USP34: variants seen among roughly 807,000 people sequenced by gnomAD.
USP34 encodes ubiquitin carboxyl-terminal hydrolase 34.
Under a neutral mutation model 460.3 loss-of-function variants are expected in USP34, and 70 were observed. The ratio of observed to expected loss-of-function variants is 0.15; its 90% CI spans 0.13 to 0.19. The LOEUF is 0.19. USP34 is among the 10% of genes least tolerant of loss of function. USP34 has a pLI of 1.00. For synonymous variants in USP34, 1,647 were observed against 1,405.3 expected, an observed-to-expected ratio of 1.17 and a Z score of -3.85; for missense variants, 3,985 against 4,236.2, an observed-to-expected ratio of 0.94 and a Z score of 1.65.
At chr2:61,387,012 C>G (rs1051099140) in intron 5 of USP34, among the ~76,000 whole-genome samples, 1 of 152,010 alleles carries the variant, frequency 6.6e-6, no homozygotes, top group African/African-American at 2.4e-5. Context: ...CCTAAAAAGA[C>G]GTCTATCTAA....
At chr2:61,399,874 C>CAAAA (rs529141667) in intron 3 of USP34, among the ~76,000 whole-genome samples, 2 of 69,984 alleles carry the variant, frequency 2.9e-5, no homozygotes, top group Non-Finnish European at 5.2e-5. Context: ...CACTGTCTCC[C>CAAAA]AAAAAAAAAA....
intron 22 of USP34, among the ~76,000 whole-genome samples, chr2:61,318,901 T>C (rs1454275804): frequency 6.6e-6 from 1 of 152,196 alleles, no homozygotes; most frequent in Non-Finnish European, 1.5e-5. Context: ...CTAAGAAAAT[T>C]AGTGCTGCCT....
chr2:61,315,777 G>A (rs1291484286), intron 23 of USP34, among the ~76,000 whole-genome samples: 2 of 152,170 alleles, frequency 1.3e-5, no homozygotes, highest in African/African-American at 4.8e-5. Flanking sequence ...GTTGGGCAGA[G>A]TAAAGAAAGA....
chr2:61,266,578 T>C (rs1437697829), intron 41 of USP34, among the ~76,000 whole-genome samples: 2 of 152,324 alleles, frequency 1.3e-5, no homozygotes, highest in East Asian at 3.9e-4. Context: ...TTACTTATAC[T>C]GTTGAAAGGT....
intron 19 of USP34, 84 bp from the exon 20 acceptor site, chr2:61,331,455 TA>T: frequency 2.5e-5 from 28 of 1,107,518 alleles, no homozygotes; most frequent in East Asian, 5.8e-5. Flanking sequence ...TATGCAAATC[TA>T]AAAAAAATCT....
chr2:61,322,018 C>T (rs371691533), intron 21 of USP34, among the ~76,000 whole-genome samples: 3 of 152,212 alleles, frequency 2.0e-5, no homozygotes, highest in South Asian at 2.1e-4. Context: ...CACCTGAGGT[C>T]GGGAGTTCGA....
chr2:61,314,451 T>C (rs1690683264), intron 25 of USP34, 134 bp downstream of exon 25: 1 of 749,190 alleles, frequency 1.3e-6, no homozygotes. Context: ...CTTATGTTAC[T>C]GATCCTTCAC....
chr2:61,316,956 C>T lies in USP34; in HGVS notation c.3282+698G>A, dbSNP rs147955288. Among the ~76,000 whole-genome samples the T allele has an allele frequency of 1.4e-4, 21 of 152,270 alleles. No individual in the cohort carries two copies. The East Asian group carries it at 3.9e-3, about 28-fold the overall frequency. ...TTTTAAAAAAATTTCCCCAAACTTG[C>T]TAAGAGATACAAGTATTCTTTTTTC... is the stretch of plus-strand genomic sequence containing the variant. On this transcript the variant is annotated intron_variant, in intron 23 of 79. Coordinates refer to ENST00000398571, the MANE Select transcript of USP34 (RefSeq NM_014709.4).
chr2:61,270,248 T>C (rs1689172727), intron 41 of USP34, among the ~76,000 whole-genome samples: 1 of 152,036 alleles, frequency 6.6e-6, no homozygotes, highest in South Asian at 2.1e-4. Flanking sequence ...ACCCCTCCCA[T>C]CATCTAAGGG....
intron 7 of USP34, among the ~76,000 whole-genome samples, chr2:61,378,913 G>GAAAAAAAAAACAAAA (rs1692880013): frequency 3.5e-5 from 2 of 57,870 alleles, no homozygotes; most frequent in Non-Finnish European, 5.7e-5. Context: ...TCAAAAAAAC[G>GAAAAAAAAAACAAAA]AAAAAAAAAA....
At chr2:61,297,057 G>T in intron 29 of USP34, 132 bp from the exon 30 acceptor site, 1 of 1,199,198 alleles carries the variant, frequency 8.3e-7, no homozygotes, top group Non-Finnish European at 1.1e-6. Context: ...AGTGAGAAAT[G>T]AAACATTTGT....
chr2:61,197,404 TCA>T (rs989572751), intron 75 of USP34, among the ~76,000 whole-genome samples: 2 of 152,210 alleles, frequency 1.3e-5, no homozygotes, highest in Admixed American at 6.5e-5. Flanking sequence ...GAAATTAGGC[TCA>T]CAGAGATTAT....
In USP34 at chr2:61,220,407, T is replaced by C; in HGVS notation, c.7950A>G (p.Thr2650=). Residue 2650 remains threonine, a synonymous_variant, in exon 67 of 80, where the codon ACA becomes ACG. Coordinates refer to ENST00000398571, the MANE Select transcript of USP34 (RefSeq NM_014709.4). ...AGCTGTGTGCCAGTTTATTTCGGGG[T>C]GTCTGCACTGCCAACCAATCTAGAC... The part of the protein sequence containing the change: ...SQCLDWLAVQ[T]PRNKLAHSWV... 1.2e-6 allele frequency: 2 copies of C among 1,613,934 alleles called. No homozygotes were observed. Among genetic ancestry groups the C allele is most frequent in the Non-Finnish European group, 1.7e-6 (2 of 1,179,936 alleles).
rs1316017369 is a variant in USP34, at chr2:61,393,209, T to A, written c.753+1644A>T. Among the ~76,000 whole-genome samples, 5 of 152,120 alleles carry A rather than the reference T, an allele frequency of 3.3e-5. 1 individual carries two copies. Among genetic ancestry groups the A allele is most frequent in the Admixed American group, 2.6e-4 (4 of 15,268 alleles). ...ACTTTAGGAGGCTGAGGCAGGAGGA[T>A]CACCTGAGGTTAGGAGTTTGAGACC... On this transcript the variant is annotated intron_variant, in intron 5 of 79. Transcript: ENST00000398571.
At chr2:61,404,624 C>T (rs891500579) in intron 3 of USP34, among the ~76,000 whole-genome samples, 3 of 152,140 alleles carry the variant, frequency 2.0e-5, no homozygotes, top group African/African-American at 4.8e-5. Context: ...CAAGGAGCCC[C>T]AGATAACAGC....
Position 61,284,943 on chromosome 2 carries a change from A to G in USP34, c.4764T>C (p.Leu1588=). The G allele has an allele frequency of 6.2e-7, 1 of 1,610,180 alleles. No homozygotes were observed. The highest frequency in any genetic ancestry group is 1.1e-5 in the South Asian group (1 of 90,386). Residue 1588 remains leucine (L), a synonymous_variant, in exon 35 of 80, where the codon CTT becomes CTC. Coordinates refer to ENST00000398571, the MANE Select transcript of USP34 (RefSeq NM_014709.4). The stretch of plus-strand genomic sequence containing the variant: ...GCTGAATCAAACTGGTTCCTTGGAC[A>G]AGAACAAGAAATACCTTTAAAACAA... ...IPRLTEVFLV[L]VQGTSLIQRL...
At chr2:61,287,873 GC>G (rs1689735678) in intron 34 of USP34, among the ~76,000 whole-genome samples, 1 of 152,030 alleles carries the variant, frequency 6.6e-6, no homozygotes, top group Non-Finnish European at 1.5e-5. Flanking sequence ...TTTTTCAAGG[GC>G]CAACCATATT....
chr2:61,282,367 A>G lies in USP34; in HGVS notation c.4998+778T>C, dbSNP rs2103959250. On this transcript the variant is annotated intron_variant, in intron 37 of 79. Transcript: ENST00000398571. ...ACTGTGTGTTTCTATTATTTCACAT[A>G]GGAATATGAGGTGAGTAATGCCAAG... Among the ~76,000 whole-genome samples, 9 of 152,364 alleles carry G rather than the reference A, an allele frequency of 5.9e-5. No homozygotes were observed. In the Middle Eastern group the frequency reaches 0.027, roughly 461 times the overall value.
At chr2:61,277,293 G>C (rs1470377913) in intron 41 of USP34, among the ~76,000 whole-genome samples, 1 of 149,240 alleles carries the variant, frequency 6.7e-6, no homozygotes, top group East Asian at 2.0e-4. Context: ...CTACAGTGCA[G>C]TGGTGTGATC....
Sources: allele counts gnomAD v4.1 joint callset (sites outside exome capture counted in the v4.1 genomes callset), GRCh38; gene constraint gnomAD v4.1.1; transcripts MANE v1.5; gene names NCBI Gene and HGNC (gene_info 2026-07-23, HGNC 2026-07-21).